LRRC49: variants seen among roughly 807,000 people sequenced by gnomAD.
LRRC49 encodes the protein leucine-rich repeat-containing protein 49.
A neutral mutation model predicts 83.3 loss-of-function variants in LRRC49; 50 were observed. The observed-to-expected ratio is 0.60, with a 90% CI of 0.48 to 0.76. The LOEUF (loss-of-function observed/expected upper bound fraction) is 0.76, where lower values mean the gene tolerates loss of function less well. Ranked by LOEUF, LRRC49 falls within the 30% of genes least tolerant of loss-of-function variation. LRRC49 has a pLI of 0.00. For synonymous variants in LRRC49, 286 were observed against 283.3 expected (o/e 1.01, Z -0.10); for missense variants, 704 against 809.1 (o/e 0.87, Z 1.58).
At position 70,919,265 on chromosome 15, in the gene LRRC49, T is replaced by A. The variant is rs191751540; in HGVS notation, c.711+72T>A. 3,652 of 1,307,630 alleles carry A rather than the reference T, an allele frequency of 2.8e-3. 6 individuals are homozygous for A. The highest frequency in any genetic ancestry group is 3.6e-3 in the Non-Finnish European group (3,433 of 956,208). The allele number at this position is 1,307,630 out of a possible 1,614,324, so 81.0% of individuals were successfully genotyped here. A position where few individuals can be genotyped will look rare whatever the true frequency, so the allele number is the denominator to read the frequency against. ...AGGAATTGAAACAAATGTTGTAATA[T>A]GGCTTTCTGCAAAGTAAGAATCTAC... is the stretch of plus-strand genomic sequence containing the variant. On this transcript the variant is annotated intron_variant, in intron 7 of 15. Coordinates refer to ENST00000260382, the MANE Select transcript of LRRC49 (RefSeq NM_017691.5).
intron 7 of LRRC49, among the ~76,000 whole-genome samples, chr15:70,925,408 A>C (rs1024049035): frequency 2.6e-5 from 4 of 152,134 alleles, no homozygotes; most frequent in Admixed American, 6.6e-5. Context: ...TTAACAATCA[A>C]ATACTTTAAA....
chr15:71,004,520 T>C (rs1320483876), intron 11 of LRRC49, among the ~76,000 whole-genome samples: 2 of 151,892 alleles, frequency 1.3e-5, no homozygotes, highest in Non-Finnish European at 2.9e-5. Flanking sequence ...CAAGGTGGCA[T>C]GTGCCTGTAA....
At chr15:70,870,736 C>T (rs1244691779) in intron 1 of LRRC49, among the ~76,000 whole-genome samples, 4 of 152,142 alleles carry the variant, frequency 2.6e-5, no homozygotes, top group African/African-American at 7.2e-5. Flanking sequence ...GTGATTTGCC[C>T]GCCTAGGCCG....
At chr15:70,892,796 A>C (rs574821667), upstream of LRRC49, 82 of 1,612,472 alleles carry the variant, frequency 5.1e-5, no homozygotes, top group African/African-American at 8.0e-5. Flanking sequence ...AACCCTGAGC[A>C]GGTTGCCTGG....
chr15:70,936,560 C>T, intron 7 of LRRC49: 2 of 513,302 alleles, frequency 3.9e-6, no homozygotes, highest in Non-Finnish European at 6.9e-6. Context: ...GCGAGTGGTG[C>T]AGCTTGTTCT....
intron 8 of LRRC49, among the ~76,000 whole-genome samples, chr15:70,947,237 T>G (rs1238830761): frequency 6.6e-6 from 1 of 152,192 alleles, no homozygotes; most frequent in African/African-American, 2.4e-5. Context: ...TCAATAGTGA[T>G]AGCTAGTAGC....
At chr15:70,864,039 T>C (rs61123902) in intron 1 of LRRC49, among the ~76,000 whole-genome samples, 2,200 of 152,166 alleles carry the variant, frequency 0.014, 54 homozygotes, top group African/African-American at 0.05. Context: ...GGATAGGGTA[T>C]AGTCTAGCAG....
chr15:70,911,933 C>T (rs563321820), intron 6 of LRRC49, among the ~76,000 whole-genome samples: 25 of 152,158 alleles, frequency 1.6e-4, no homozygotes, highest in African/African-American at 4.8e-4. Context: ...ATTCCATCTC[C>T]TTATTTCTGC....
In LRRC49 at chr15:70,895,915, A is replaced by G; in HGVS notation, c.172A>G (p.Arg58Gly). ...TAGACTTTTACAACATGACCTTGAAAGAAACTACTCAAGTAGGCAAGGTAT... is the reference window on the plus strand; with the variant it reads ...TAGACTTTTACAACATGACCTTGAAGGAAACTACTCAAGTAGGCAAGGTAT... ...PGRLLQHDLE[R>G]NYSSRQGDHI... The change falls in exon 3 of 16, where the codon AGA (arginine) becomes GGA (glycine). Residue 58 changes from arginine to glycine, a missense_variant. This residue lies in a region of LRRC49 where 261 missense variants were observed against 330.5 expected (regional missense o/e 0.79). Coordinates refer to ENST00000260382, the MANE Select transcript of LRRC49 (RefSeq NM_017691.5). 2 of 1,608,316 alleles carry G rather than the reference A, an allele frequency of 1.2e-6. No homozygotes were observed. The highest frequency in any genetic ancestry group is 1.7e-6 in the Non-Finnish European group (2 of 1,175,958).
intron 9 of LRRC49, among the ~76,000 whole-genome samples, chr15:70,972,817 T>G (rs2141211402): frequency 6.6e-6 from 1 of 152,242 alleles, no homozygotes; most frequent in Non-Finnish European, 1.5e-5. Context: ...ATTCTTGTGC[T>G]GTGTTTTTCA....
rs550519113 is a variant in LRRC49, at chr15:70,858,058, T to C, written c.-299+4589T>C. 1.1e-3 allele frequency among the ~76,000 whole-genome samples: 160 copies of C among 152,338 alleles called. 1 individual carries two copies. The South Asian group carries it at 0.014, about 13-fold the overall frequency. On this transcript the variant is annotated intron_variant, in intron 1 of 16. Coordinates refer to the LRRC49 transcript ENST00000544974. ...TTATGATGCAGCGTTCCAAGAACCT[T>C]CATACCAAGAAAACCTTAGCCTGAA...
chr15:71,037,138 T>G (rs373713330), intron 14 of LRRC49, 41 bp from the exon 15 acceptor site: 1 of 1,428,858 alleles, frequency 7.0e-7, no homozygotes, highest in Non-Finnish European at 9.7e-7. Flanking sequence ...TTAGTAAGTC[T>G]GATAAGTAAC....
intron 9 of LRRC49, among the ~76,000 whole-genome samples, chr15:70,970,767 T>A (rs1361551742): frequency 6.6e-6 from 1 of 152,218 alleles, no homozygotes; most frequent in Non-Finnish European, 1.5e-5. Flanking sequence ...CTAGTTTATT[T>A]GCATAGAGGT....
At chr15:70,915,186 T>A (rs1596014954) in intron 6 of LRRC49, among the ~76,000 whole-genome samples, 1 of 152,214 alleles carries the variant, frequency 6.6e-6, no homozygotes, top group East Asian at 1.9e-4. Flanking sequence ...ATGTTGTACA[T>A]GATTCTGGCC....
At chr15:70,856,394 T>C (rs1257802607) in intron 1 of LRRC49, among the ~76,000 whole-genome samples, 4 of 152,082 alleles carry the variant, frequency 2.6e-5, no homozygotes, top group African/African-American at 9.7e-5. Flanking sequence ...CTGCTCCTGG[T>C]AGGGAATGGG....
At chr15:70,922,152 A>G (rs573318118) in intron 7 of LRRC49, among the ~76,000 whole-genome samples, 3 of 152,310 alleles carry the variant, frequency 2.0e-5, no homozygotes, top group African/African-American at 7.2e-5. Context: ...GAGCTACCAT[A>G]TGATCCAGCA....
intron 8 of LRRC49, among the ~76,000 whole-genome samples, chr15:70,955,076 G>A (rs1290372640): frequency 6.6e-6 from 1 of 152,148 alleles, no homozygotes; most frequent in Admixed American, 6.5e-5. Flanking sequence ...GGGAAACCAT[G>A]GGTGGGTGGG....
Position 70,919,208 on chromosome 15 carries a change from G to A in LRRC49, c.711+15G>A. ...TCACTTTCGTGGTGAGTATTAAAAT[G>A]GAGTTGATATGTACTTTGTGGCTTT... On this transcript the variant is annotated intron_variant, in intron 7 of 15. Transcript: ENST00000260382. 1 of 1,599,100 alleles carries A rather than the reference G, an allele frequency of 6.3e-7. No homozygotes were observed. The highest frequency in any genetic ancestry group is 8.5e-7 in the Non-Finnish European group (1 of 1,173,304).
chr15:71,048,322 T>C (rs1204583922), intron 15 of LRRC49, among the ~76,000 whole-genome samples: 2 of 151,992 alleles, frequency 1.3e-5, no homozygotes, highest in Non-Finnish European at 2.9e-5. Flanking sequence ...CTTGAGTTCT[T>C]GGCCTTAAGC....
Sources: gnomAD v4.1 joint callset for allele counts (sites outside exome capture counted in the v4.1 genomes callset) on GRCh38, gnomAD v4.1.1 for gene constraint, gnomAD v4.1.1 regional missense constraint, MANE v1.5 for transcripts, NCBI Gene and HGNC (gene_info 2026-07-23, HGNC 2026-07-21) for gene names.